ANK3: variants seen among roughly 807,000 people sequenced by gnomAD.
The protein encoded by ANK3 is ankyrin 3.
In ANK3, 57 loss-of-function variants were observed where a neutral mutation model predicts 370.9. The observed-to-expected ratio is 0.15, with a 90% CI of 0.12 to 0.19. ANK3 has a LOEUF of 0.19. ANK3 is among the 10% of genes least tolerant of loss of function. ANK3 has a pLI of 1.00. For missense variants in ANK3, 4,439 were observed against 5,302.1 expected (o/e 0.84, Z 5.06); for synonymous variants, 1,929 against 1,946.3 (o/e 0.99, Z 0.23).
At chr10:60,334,167 C>T (rs1330247356) in intron 1 of ANK3, among the ~76,000 whole-genome samples, 2 of 152,140 alleles carry the variant, frequency 1.3e-5, no homozygotes, top group African/African-American at 4.8e-5. Context: ...ATGTTGGTTA[C>T]TAATTATCTT....
At chr10:60,170,387 A>G (rs2095751198) in intron 21 of ANK3, among the ~76,000 whole-genome samples, 1 of 152,186 alleles carries the variant, frequency 6.6e-6, no homozygotes, top group African/African-American at 2.4e-5. Flanking sequence ...TTATTAGCTT[A>G]AAGTCATAGA....
chr10:60,319,494 T>G (rs1266779018), intron 1 of ANK3, among the ~76,000 whole-genome samples: 1 of 152,196 alleles, frequency 6.6e-6, no homozygotes, highest in African/African-American at 2.4e-5. Context: ...AGATAGAATT[T>G]GTTATAAAGA....
intron 2 of ANK3, among the ~76,000 whole-genome samples, chr10:60,599,833 A>G (rs1051981994): frequency 6.6e-6 from 1 of 152,154 alleles, no homozygotes; most frequent in African/African-American, 2.4e-5. Flanking sequence ...AAAGCCCCAC[A>G]TGGACAAGGC....
chr10:60,241,173 AT>A (rs1358223400), intron 7 of ANK3, among the ~76,000 whole-genome samples: 2 of 151,978 alleles, frequency 1.3e-5, no homozygotes, highest in African/African-American at 4.8e-5. Context: ...TAAAAATATG[AT>A]GATTTTTTTT....
chr10:60,208,025 G>A lies in ANK3; in HGVS notation c.1194+11C>T. On this transcript the variant is annotated intron_variant, in intron 10 of 43. Coordinates refer to ENST00000280772, the MANE Select transcript of ANK3 (RefSeq NM_020987.5). ...ACAACTGAGGCTGGACTCGCTGGTT[G>A]AGCCACTCACCAGGGCTTTGGCATT... The A allele has an allele frequency of 1.2e-6, 2 of 1,611,876 alleles. No homozygotes were observed.
intron 1 of ANK3, among the ~76,000 whole-genome samples, chr10:60,712,210 A>G (rs1205531218): frequency 1.3e-5 from 2 of 152,202 alleles, no homozygotes; most frequent in African/African-American, 4.8e-5. Flanking sequence ...GTAACAAGGT[A>G]TTCAGTGATT....
At chr10:60,306,262 G>C (rs1230733843) in intron 1 of ANK3, among the ~76,000 whole-genome samples, 2 of 151,916 alleles carry the variant, frequency 1.3e-5, no homozygotes, top group Non-Finnish European at 2.9e-5. Context: ...ATGCCTTTGT[G>C]TCCATCATAG....
intron 1 of ANK3, among the ~76,000 whole-genome samples, chr10:60,292,194 ATAAG>A (rs1434123496): frequency 7.9e-5 from 12 of 152,216 alleles, no homozygotes; most frequent in Non-Finnish European, 1.8e-4. Flanking sequence ...ATTCAAATAA[ATAAG>A]TAAGCCTGGA....
intron 2 of ANK3, among the ~76,000 whole-genome samples, chr10:60,582,759 G>T (rs1291368210): frequency 6.6e-6 from 1 of 151,470 alleles, no homozygotes; most frequent in Non-Finnish European, 1.5e-5. Context: ...TTCCCATTCC[G>T]TAGGTTGTCT....
chr10:60,041,826 T>C (rs1478905050), intron 43 of ANK3, among the ~76,000 whole-genome samples: 1 of 152,218 alleles, frequency 6.6e-6, no homozygotes, highest in African/African-American at 2.4e-5. Flanking sequence ...ACTTCCCAGT[T>C]CCTTCCCTCA....
chr10:60,250,558 A>T (rs188615959), intron 7 of ANK3, among the ~76,000 whole-genome samples: 1 of 151,686 alleles, frequency 6.6e-6, no homozygotes, highest in Non-Finnish European at 1.5e-5. Flanking sequence ...GTAGAGACGG[A>T]GTTTCACCAT....
Position 60,322,992 on chromosome 10 carries a change from T to C in ANK3, c.115-43353A>G, listed in dbSNP as rs188287864. On this transcript the variant is annotated intron_variant, in intron 1 of 43. Transcript: ENST00000280772. ...GAGCTTGGTTTGGAGCTTGTTATCA[T>C]TGAGATGCCCATTTGACATCTATCT... 2.6e-4 allele frequency among the ~76,000 whole-genome samples: 40 copies of C among 152,258 alleles called. No individual in the cohort carries two copies. In the South Asian group the frequency reaches 5.0e-3, roughly 19 times the overall value.
At chr10:60,459,908 T>C (rs1291048454) in intron 2 of ANK3, among the ~76,000 whole-genome samples, 1 of 152,152 alleles carries the variant, frequency 6.6e-6, no homozygotes, top group Non-Finnish European at 1.5e-5. Flanking sequence ...AACTTCCTTG[T>C]GTCTCTGAAA....
In ANK3 at chr10:60,079,174, TACACACAC is replaced by T. The variant is rs58239281; in HGVS notation, c.4432+1355_4432+1362del. On this transcript the variant is annotated intron_variant, in intron 36 of 43. Transcript: ENST00000280772. Reference sequence around the variant, plus strand: ...ACTGGAAACCACCTAGCTACCTAGCTACACACACACACACACACACACACACACACACA... The same window carrying T: ...ACTGGAAACCACCTAGCTACCTAGCTACACACACACACACACACACACACA... Among the ~76,000 whole-genome samples the T allele has an allele frequency of 5.0e-3, 567 of 113,832 alleles. 3 individuals carry two copies. The highest frequency in any genetic ancestry group is 0.016 in the African/African-American group (454 of 28,896). The allele number at this position is 113,832 out of a possible 152,430, so 74.7% of individuals were successfully genotyped here.
In ANK3 at chr10:60,172,887, C is replaced by T. The variant is rs2095831862; in HGVS notation, c.2382+13G>A. On this transcript the variant is annotated intron_variant, in intron 20 of 43. Transcript: ENST00000280772. ...CTCCTCCCTCTTCTCCTGAGCTGGC[C>T]CTGAGCGCTTACCACAGTGAGTTCA... 1.9e-6 allele frequency: 3 copies of T among 1,595,718 alleles called. No homozygotes were observed. The highest frequency in any genetic ancestry group is 1.3e-5 in the African/African-American group (1 of 74,456).
chr10:60,170,439 A>C (rs975144991), intron 21 of ANK3, among the ~76,000 whole-genome samples: 2 of 152,232 alleles, frequency 1.3e-5, no homozygotes, highest in Non-Finnish European at 2.9e-5. Flanking sequence ...GCTAGTTTAC[A>C]TGTAACCGCT....
chr10:60,277,658 T>C (rs2132699034), intron 4 of ANK3, among the ~76,000 whole-genome samples: 1 of 152,064 alleles, frequency 6.6e-6, no homozygotes, highest in East Asian at 1.9e-4. Flanking sequence ...ACTTTTCACA[T>C]GCTTCCTAGC....
In ANK3 at chr10:60,448,726, G is replaced by A. The variant is rs151165777; in HGVS notation, c.96+166460C>T. Among the ~76,000 whole-genome samples the A allele has an allele frequency of 1.0e-3, 154 of 152,314 alleles. 1 individual carries two copies. Among genetic ancestry groups the A allele is most frequent in the African/African-American group, 3.5e-3 (144 of 41,580 alleles). On this transcript the variant is annotated intron_variant, in intron 2 of 43. Transcript: ENST00000373827. ...AGGATTCTAGCATGGCTTATTTTGCGTTTGCTGGAAGCAGATTCCTGCCCT... is the reference window on the plus strand; with the variant it reads ...AGGATTCTAGCATGGCTTATTTTGCATTTGCTGGAAGCAGATTCCTGCCCT...
chr10:60,674,528 C>A (rs983271907), intron 1 of ANK3, among the ~76,000 whole-genome samples: 2 of 152,140 alleles, frequency 1.3e-5, no homozygotes, highest in African/African-American at 4.8e-5. Flanking sequence ...GGACACCAAG[C>A]CACTCATGAG....
Sources: gnomAD v4.1 joint callset for allele counts (sites outside exome capture counted in the v4.1 genomes callset) on GRCh38, gnomAD v4.1.1 for gene constraint, MANE v1.5 for transcripts, NCBI Gene and HGNC (gene_info 2026-07-23, HGNC 2026-07-21) for gene names.